MICAL3: variants seen among roughly 807,000 people sequenced by gnomAD.
MICAL3 encodes [F-actin]-monooxygenase MICAL3.
A neutral mutation model predicts 207.4 loss-of-function variants in MICAL3; 62 were observed. That is an observed-to-expected ratio of 0.30 (90% CI 0.24 to 0.37). The LOEUF (loss-of-function observed/expected upper bound fraction) is 0.37, where lower values mean the gene tolerates loss of function less well. MICAL3 is among the 10% of genes least tolerant of loss of function. MICAL3 has a pLI of 1.00. For missense variants in MICAL3, 2,368 were observed against 2,635.6 expected, an observed-to-expected ratio of 0.90 and a Z score of 2.22; for synonymous variants, 1,077 against 1,069.3, an observed-to-expected ratio of 1.01 and a Z score of -0.14.
intron 1 of MICAL3, among the ~76,000 whole-genome samples, chr22:18,011,932 A>T (rs564529873): frequency 6.1e-4 from 91 of 150,252 alleles, no homozygotes; most frequent in African/African-American, 2.0e-3. Context: ...ATAATAAAAA[A>T]TTTTTTAAAA....
chr22:17,805,998 G>C (rs768080136), intron 29 of MICAL3, among the ~76,000 whole-genome samples: 2 of 152,148 alleles, frequency 1.3e-5, no homozygotes, highest in Admixed American at 6.5e-5. Flanking sequence ...CCAAAGTGTT[G>C]GGATTACAGG....
At position 17,841,209 on chromosome 22, in the gene MICAL3, T is replaced by C. The variant is rs1369572353; in HGVS notation, c.2801+613A>G. On this transcript the variant is annotated intron_variant, in intron 20 of 31. Coordinates refer to ENST00000441493, the MANE Select transcript of MICAL3 (RefSeq NM_015241.3). The surrounding 1 kb of genome is among the most constrained non-coding windows in gnomAD (Gnocchi z 4.2). Reference sequence around the variant, plus strand: ...TGATCATCTGTAATCGGCTGAACACTTTGAAGCCTTCGCTGATACTGGAAG... The same window carrying C: ...TGATCATCTGTAATCGGCTGAACACCTTGAAGCCTTCGCTGATACTGGAAG... The C allele has an allele frequency of 6.5e-6, 1 of 154,210 alleles. No homozygotes were observed. The highest frequency in any genetic ancestry group is 1.9e-4 in the East Asian group (1 of 5,228). The allele number at this position is 154,210 out of a possible 1,614,324, so 9.6% of individuals were successfully genotyped here.
At chr22:17,855,015 C>T (rs1009533404) in intron 19 of MICAL3, among the ~76,000 whole-genome samples, 5 of 152,208 alleles carry the variant, frequency 3.3e-5, no homozygotes, top group Admixed American at 2.0e-4. Context: ...AAACCTCCAA[C>T]CTGAGAGCTC....
At chr22:17,862,872 A>T in intron 19 of MICAL3, 1 of 985,498 alleles carries the variant, frequency 1.0e-6, no homozygotes, top group Non-Finnish European at 1.2e-6. Flanking sequence ...AGTGCCTGTC[A>T]TTAACTGTAA....
At chr22:17,850,114 A>C in intron 19 of MICAL3, among the ~76,000 whole-genome samples, 1 of 152,192 alleles carries the variant, frequency 6.6e-6, no homozygotes, top group East Asian at 1.9e-4. Context: ...TGGGAAATTC[A>C]GTTGCTTTGA....
chr22:17,871,816 C>T (rs201173739), intron 17 of MICAL3, 21 bp downstream of exon 17: 189 of 1,581,136 alleles, frequency 1.2e-4, no homozygotes, highest in Admixed American at 1.2e-3. Context: ...TCAGTGGGGC[C>T]GGAGGCGCAG....
chr22:17,980,298 C>T (rs555127535), intron 1 of MICAL3, among the ~76,000 whole-genome samples: 11 of 152,278 alleles, frequency 7.2e-5, no homozygotes, highest in Admixed American at 6.5e-4. Flanking sequence ...ACGGAAAGGG[C>T]CTTTGGTGGA....
At chr22:17,863,176 G>A in intron 19 of MICAL3, 2 of 985,410 alleles carry the variant, frequency 2.0e-6, no homozygotes, top group Non-Finnish European at 2.4e-6. Flanking sequence ...GACCAGATGG[G>A]AAAGTCAGCA....
At chr22:17,898,721 T>G (rs576104143) in intron 7 of MICAL3, among the ~76,000 whole-genome samples, 1 of 152,146 alleles carries the variant, frequency 6.6e-6, no homozygotes, top group African/African-American at 2.4e-5. Context: ...CTTAAAAAAC[T>G]CTCCTTCAGG....
chr22:17,838,223 T>C (rs1205667864), intron 20 of MICAL3, among the ~76,000 whole-genome samples: 3 of 152,238 alleles, frequency 2.0e-5, no homozygotes, highest in Non-Finnish European at 2.9e-5. Flanking sequence ...TGGGAACTTT[T>C]GAGAACTAAA....
At chr22:17,808,768 G>A (rs536993935) in intron 29 of MICAL3, 76 bp downstream of exon 29, 2 of 1,255,572 alleles carry the variant, frequency 1.6e-6, no homozygotes, top group South Asian at 1.3e-5. Flanking sequence ...CAGGTGAGGT[G>A]AAGCAAAACT....
chr22:17,861,510 A>T (rs1354973088), intron 19 of MICAL3: 6 of 985,294 alleles, frequency 6.1e-6, no homozygotes, highest in Non-Finnish European at 7.2e-6. Context: ...TTTGGTCATC[A>T]ACCGTATCAG....
intron 1 of MICAL3, among the ~76,000 whole-genome samples, chr22:17,921,519 T>C (rs1932799727): frequency 6.6e-6 from 1 of 152,288 alleles, no homozygotes; most frequent in South Asian, 2.1e-4. Context: ...GATGGAGTCT[T>C]GCTCTGTTGC....
intron 1 of MICAL3, chr22:18,004,927 T>G (rs889271738): frequency 7.1e-6 from 1 of 140,890 alleles, no homozygotes; most frequent in Non-Finnish European, 1.5e-5. Context: ...TTTTTATTTT[T>G]ATTTTGTTTT....
At chr22:17,916,312 G>A (rs961243357) in intron 1 of MICAL3, among the ~76,000 whole-genome samples, 3 of 152,016 alleles carry the variant, frequency 2.0e-5, no homozygotes, top group African/African-American at 7.2e-5. Flanking sequence ...TCTTACTCAA[G>A]CATGCTGCCT....
At chr22:17,878,148 C>T (rs1310884537) in intron 16 of MICAL3, among the ~76,000 whole-genome samples, 5 of 151,678 alleles carry the variant, frequency 3.3e-5, no homozygotes, top group Non-Finnish European at 7.4e-5. Flanking sequence ...CCACCGCACC[C>T]GGCCTTCCCC....
chr22:17,808,183 C>A (rs1447327679), intron 29 of MICAL3, among the ~76,000 whole-genome samples: 1 of 152,258 alleles, frequency 6.6e-6, no homozygotes, highest in African/African-American at 2.4e-5. Context: ...AATGAGCGCA[C>A]CACATTCTCC....
At position 17,791,120 on chromosome 22, in the gene MICAL3, C is replaced by T. The variant is rs753450310; in HGVS notation, c.5751-49G>A. 1.6e-5 allele frequency: 25 copies of T among 1,603,856 alleles called. No individual in the cohort carries two copies. The Admixed American group carries it at 3.2e-4, about 21-fold the overall frequency. ...GACAAGCCACAGTGACTGGGGACCA[C>T]CCCTCACCCCCAAATCTGGAAGGAC... On this transcript the variant is annotated intron_variant, in intron 30 of 31. Transcript: ENST00000441493.
At chr22:17,843,988 G>A (rs2587111) in intron 19 of MICAL3, among the ~76,000 whole-genome samples, 59,330 of 151,992 alleles carry the variant, frequency 0.39, 13,942 homozygotes, top group African/African-American at 0.67. Context: ...CTGGGACTAC[G>A]GGCGCCTGCC....
Sources: gnomAD v4.1 joint callset for allele counts (sites outside exome capture counted in the v4.1 genomes callset) on GRCh38, gnomAD v4.1.1 for gene constraint, Gnocchi (gnomAD v3.1) non-coding constraint, MANE v1.5 for transcripts, NCBI Gene and HGNC (gene_info 2026-07-23, HGNC 2026-07-21) for gene names.